The following CLSTN2 variants were observed in gnomAD, a reference collection of about 807,000 sequenced individuals.
The protein encoded by CLSTN2 is calsyntenin 2, also known as calsyntenin-2.
In CLSTN2, 48 loss-of-function variants were observed where a neutral mutation model predicts 101.2. That is an observed-to-expected ratio of 0.47 (90% CI 0.38 to 0.60). CLSTN2 has a LOEUF of 0.60. CLSTN2 is among the 20% of genes least tolerant of loss of function. The pLI is 0.00. For missense variants in CLSTN2, 1,160 were observed against 1,238.2 expected (o/e 0.94, Z 0.95); for synonymous variants, 481 against 463.6 (o/e 1.04, Z -0.48).
At chr3:140,209,502 C>G (rs2010828721) in intron 2 of CLSTN2, among the ~76,000 whole-genome samples, 1 of 152,170 alleles carries the variant, frequency 6.6e-6, no homozygotes, top group Non-Finnish European at 1.5e-5. Context: ...CTGCTGGGGA[C>G]AGACTTTGGT....
At chr3:139,942,309 T>G (rs1322369078) in intron 1 of CLSTN2, among the ~76,000 whole-genome samples, 2 of 152,158 alleles carry the variant, frequency 1.3e-5, no homozygotes, top group African/African-American at 4.8e-5. Context: ...TCACCTCCTG[T>G]CATGCTTGGC....
At chr3:139,999,939 C>T (rs916704121) in intron 1 of CLSTN2, among the ~76,000 whole-genome samples, 6 of 134,390 alleles carry the variant, frequency 4.5e-5, no homozygotes, top group Admixed American at 3.9e-4. Context: ...TGGGCAATGG[C>T]GTGAAACCTT....
chr3:140,528,579 G>A (rs1935191962), intron 8 of CLSTN2, among the ~76,000 whole-genome samples: 1 of 150,132 alleles, frequency 6.7e-6, no homozygotes, highest in Non-Finnish European at 1.5e-5. Flanking sequence ...GTCTGTAGGA[G>A]TTAACGAATG....
chr3:140,453,097 A>G (rs567272903), intron 6 of CLSTN2: 1 of 152,242 alleles, frequency 6.6e-6, no homozygotes, highest in Non-Finnish European at 1.5e-5. Flanking sequence ...ATGGCCCTAC[A>G]TCACTACGTA....
At chr3:140,134,251 C>T (rs149076528) in intron 1 of CLSTN2, among the ~76,000 whole-genome samples, 306 of 152,282 alleles carry the variant, frequency 2.0e-3, no homozygotes, top group African/African-American at 7.0e-3. Flanking sequence ...CTCCTCTCCC[C>T]CTATGTGCTC....
At chr3:140,139,942 T>C (rs16849961) in intron 1 of CLSTN2, among the ~76,000 whole-genome samples, 2,075 of 152,308 alleles carry the variant, frequency 0.014, 49 homozygotes, top group African/African-American at 0.048. Context: ...CATTTCTTTG[T>C]CTCTGAATTT....
At chr3:139,937,849 C>T (rs767434107) in intron 1 of CLSTN2, among the ~76,000 whole-genome samples, 6 of 152,002 alleles carry the variant, frequency 3.9e-5, no homozygotes, top group Non-Finnish European at 8.8e-5. Flanking sequence ...CCCTTGTTCT[C>T]GCTTCTTTCC....
chr3:140,172,333 G>C (rs1002430756), intron 1 of CLSTN2, among the ~76,000 whole-genome samples: 1 of 152,060 alleles, frequency 6.6e-6, no homozygotes, highest in Non-Finnish European at 1.5e-5. Context: ...GAATAGAATG[G>C]AGTAGGGCAA....
At chr3:140,560,374 T>C (rs1312094956) in intron 12 of CLSTN2, among the ~76,000 whole-genome samples, 1 of 152,080 alleles carries the variant, frequency 6.6e-6, no homozygotes, top group African/African-American at 2.4e-5. Flanking sequence ...TCCCTCACAC[T>C]CTGTTAGTTC....
chr3:140,030,478 C>A (rs1164564142), intron 1 of CLSTN2, among the ~76,000 whole-genome samples: 1 of 152,118 alleles, frequency 6.6e-6, no homozygotes, highest in East Asian at 1.9e-4. Context: ...CTGCAGCCTC[C>A]ATTTCCCTTT....
At chr3:140,442,271 C>T (rs1298649251) in intron 5 of CLSTN2, among the ~76,000 whole-genome samples, 4 of 152,152 alleles carry the variant, frequency 2.6e-5, no homozygotes, top group South Asian at 2.1e-4. Context: ...GGCTTTTACA[C>T]TCTGGGACAC....
At chr3:140,337,840 T>C (rs1011564597) in intron 2 of CLSTN2, among the ~76,000 whole-genome samples, 4 of 152,212 alleles carry the variant, frequency 2.6e-5, no homozygotes, top group African/African-American at 9.7e-5. Flanking sequence ...GAGCCCTTAC[T>C]CATGGGCTAG....
intron 5 of CLSTN2, among the ~76,000 whole-genome samples, chr3:140,422,168 T>C (rs2088513508): frequency 7.1e-6 from 1 of 141,604 alleles, no homozygotes. Flanking sequence ...CCTCTTATAT[T>C]CTCATATTTT....
At chr3:140,496,318 T>A (rs1442665964) in intron 8 of CLSTN2, among the ~76,000 whole-genome samples, 1 of 152,224 alleles carries the variant, frequency 6.6e-6, no homozygotes, top group African/African-American at 2.4e-5. Context: ...TGATTTTGTA[T>A]CCTGAGACTT....
At chr3:140,505,935 G>T (rs1489017198) in intron 8 of CLSTN2, 1 of 152,180 alleles carries the variant, frequency 6.6e-6, no homozygotes, top group Non-Finnish European at 1.5e-5. Flanking sequence ...CCTTTGCCAA[G>T]AACTTCTTTC....
intron 1 of CLSTN2, among the ~76,000 whole-genome samples, chr3:140,049,330 C>A (rs2007942937): frequency 6.6e-6 from 1 of 152,004 alleles, no homozygotes; most frequent in African/African-American, 2.4e-5. Flanking sequence ...GTTTTTCTAA[C>A]CCCAGTTGCA....
At chr3:140,424,368 C>A (rs2088539297) in intron 5 of CLSTN2, among the ~76,000 whole-genome samples, 1 of 152,224 alleles carries the variant, frequency 6.6e-6, no homozygotes, top group South Asian at 2.1e-4. Flanking sequence ...CCTGTCCCAG[C>A]TCCCAGACCT....
In CLSTN2 at chr3:140,211,256, A is replaced by G. The variant is rs79996157; in HGVS notation, c.232+35183A>G. On this transcript the variant is annotated intron_variant, in intron 2 of 16. Coordinates refer to ENST00000458420, the MANE Select transcript of CLSTN2 (RefSeq NM_022131.3). ...ATAAAATAAGATCTTCAGATTGTAT[A>G]ATTTTAAAGGAACTTCCAAGCTCTA... Among the ~76,000 whole-genome samples the G allele has an allele frequency of 5.2e-3, 782 of 151,774 alleles. 5 individuals carry two copies. Among genetic ancestry groups the G allele is most frequent in the African/African-American group, 0.018 (737 of 41,394 alleles).
chr3:140,421,313 G>T, intron 5 of CLSTN2, 39 bp downstream of exon 5: 1 of 1,611,858 alleles, frequency 6.2e-7, no homozygotes, highest in South Asian at 1.1e-5. Context: ...AGGCAGCATG[G>T]TCTGATGTAT....
Sources: gnomAD v4.1 joint callset for allele counts (sites outside exome capture counted in the v4.1 genomes callset) on GRCh38, gnomAD v4.1.1 for gene constraint, MANE v1.5 for transcripts, NCBI Gene and HGNC (gene_info 2026-07-23, HGNC 2026-07-21) for gene names.